Variants in KALRN observed in about 807,000 individuals in gnomAD.
KALRN encodes the protein kalirin RhoGEF kinase.
In KALRN, 70 loss-of-function variants were observed where a neutral mutation model predicts 353.7. That is an observed-to-expected ratio of 0.20 (90% CI 0.16 to 0.24). KALRN has a LOEUF of 0.24. Ranked by LOEUF, KALRN falls within the 10% of genes least tolerant of loss-of-function variation. KALRN has a pLI of 1.00. For missense variants in KALRN, 2,791 were observed against 3,756.7 expected, an observed-to-expected ratio of 0.74 and a Z score of 6.72; for synonymous variants, 1,391 against 1,434.8, an observed-to-expected ratio of 0.97 and a Z score of 0.69.
intron 33 of KALRN, among the ~76,000 whole-genome samples, chr3:124,533,556 G>T (rs1350128303): frequency 6.6e-6 from 1 of 152,102 alleles, no homozygotes; most frequent in African/African-American, 2.4e-5. Flanking sequence ...GAGATGGGAA[G>T]GTCACCTGAG....
chr3:124,495,416 T>A (rs1294282054), intron 32 of KALRN, among the ~76,000 whole-genome samples: 1 of 152,108 alleles, frequency 6.6e-6, no homozygotes, highest in East Asian at 1.9e-4. Context: ...ACAACCTGTT[T>A]TCTTGAACAG....
intron 33 of KALRN, among the ~76,000 whole-genome samples, chr3:124,549,618 C>T (rs190817056): frequency 4.3e-4 from 65 of 152,060 alleles, no homozygotes; most frequent in Admixed American, 1.1e-3. Context: ...ATAATATATA[C>T]ATATATACAC....
intron 17 of KALRN, among the ~76,000 whole-genome samples, chr3:124,437,689 C>CA (rs397876079): frequency 0.27 from 12,983 of 48,286 alleles, 3,216 homozygotes; most frequent in African/African-American, 0.38. Flanking sequence ...GATTCCGTCT[C>CA]AAAAAAAAAA....
At chr3:124,286,790 C>A (rs1357145080) in intron 5 of KALRN, among the ~76,000 whole-genome samples, 1 of 152,060 alleles carries the variant, frequency 6.6e-6, no homozygotes, top group Non-Finnish European at 1.5e-5. Flanking sequence ...ATTTTGAAAG[C>A]CTTGTCTGCT....
intron 15 of KALRN, among the ~76,000 whole-genome samples, chr3:124,427,027 T>A (rs1032860213): frequency 2.0e-5 from 3 of 152,196 alleles, no homozygotes; most frequent in Non-Finnish European, 4.4e-5. Context: ...TTGCACCAAA[T>A]GCTGGCCAAA....
At chr3:124,391,011 T>G (rs1419895042) in intron 11 of KALRN, among the ~76,000 whole-genome samples, 1 of 152,190 alleles carries the variant, frequency 6.6e-6, no homozygotes, top group Non-Finnish European at 1.5e-5. Context: ...CCTTTAACTG[T>G]TCCCCTATCA....
chr3:124,661,997 C>CAGGGGGAGGAAGCCG, intron 45 of KALRN, 69 bp downstream of exon 45: 2 of 1,271,626 alleles, frequency 1.6e-6, no homozygotes, highest in Non-Finnish European at 2.3e-6. Flanking sequence ...GTTGCGGCTT[C>CAGGGGGAGGAAGCCG]CTCCCCCTGA....
At chr3:124,517,747 G>C (rs1018027606) in intron 33 of KALRN, among the ~76,000 whole-genome samples, 2 of 152,208 alleles carry the variant, frequency 1.3e-5, no homozygotes, top group East Asian at 3.9e-4. Context: ...GCATGCCTTG[G>C]AAAAATTACA....
chr3:124,495,961 GTATGTATA>G (rs1385714040), intron 32 of KALRN, among the ~76,000 whole-genome samples: 2 of 37,894 alleles, frequency 5.3e-5, no homozygotes, highest in African/African-American at 2.0e-4. Context: ...GTATGTGTAT[GTATGTATA>G]TATATATATA....
At chr3:124,325,926 C>T (rs1272338879) in intron 6 of KALRN, 54 bp from the exon 7 acceptor site, 5 of 1,481,800 alleles carry the variant, frequency 3.4e-6, no homozygotes, top group African/African-American at 1.4e-5. Context: ...CACGAAAGTG[C>T]TCAGTGGATG....
intron 16 of KALRN, among the ~76,000 whole-genome samples, chr3:124,433,757 A>G (rs1007199442): frequency 6.6e-6 from 1 of 152,116 alleles, no homozygotes; most frequent in Admixed American, 6.6e-5. Context: ...GTAGGAGGTT[A>G]CTCTCTAGCT....
chr3:124,358,953 A>AG (rs1429977477), intron 10 of KALRN, among the ~76,000 whole-genome samples: 1 of 152,196 alleles, frequency 6.6e-6, no homozygotes, highest in Non-Finnish European at 1.5e-5. Context: ...GGTGGGGATC[A>AG]GGCCTCATTT....
At position 124,166,328 on chromosome 3, in the gene KALRN, C is replaced by T. The variant is rs185062267; in HGVS notation, c.74-61662C>T. ...AATATTGAACAGATGAAGGTTGTCTCCCCTATGAGATAGTGCAGTGCCTAG... is the reference window on the plus strand; with the variant it reads ...AATATTGAACAGATGAAGGTTGTCTTCCCTATGAGATAGTGCAGTGCCTAG... On this transcript the variant is annotated intron_variant, in intron 1 of 59. Transcript: ENST00000682506. Among the ~76,000 whole-genome samples, 33 of 152,216 alleles carry T rather than the reference C, an allele frequency of 2.2e-4. No individual in the cohort carries two copies. The East Asian group carries it at 5.8e-3, about 27-fold the overall frequency.
intron 33 of KALRN, among the ~76,000 whole-genome samples, chr3:124,509,244 G>A (rs1381307223): frequency 6.6e-6 from 1 of 152,010 alleles, no homozygotes; most frequent in Non-Finnish European, 1.5e-5. Context: ...GTCTTGCTCT[G>A]TCACCCAAGT....
chr3:124,247,681 A>G (rs1024273299), intron 3 of KALRN, among the ~76,000 whole-genome samples: 1 of 152,212 alleles, frequency 6.6e-6, no homozygotes, highest in African/African-American at 2.4e-5. Context: ...CATCAGCCAC[A>G]AACATTGAAG....
chr3:124,468,429 A>G (rs1223447256), intron 25 of KALRN, among the ~76,000 whole-genome samples: 2 of 152,116 alleles, frequency 1.3e-5, no homozygotes, highest in Non-Finnish European at 2.9e-5. Flanking sequence ...GCCACTGGGG[A>G]AAGGCCGCCC....
chr3:124,135,112 T>C (rs1334880185), intron 1 of KALRN, among the ~76,000 whole-genome samples: 1 of 152,072 alleles, frequency 6.6e-6, no homozygotes. Context: ...AATTGCAAAA[T>C]TGTGGAACCA....
intron 9 of KALRN, among the ~76,000 whole-genome samples, chr3:124,335,246 C>T (rs780736862): frequency 6.6e-6 from 1 of 152,060 alleles, no homozygotes; most frequent in South Asian, 2.1e-4. Context: ...AAGTGGAGTA[C>T]AGGAAACTTC....
At chr3:124,518,295 G>T in intron 33 of KALRN, 1 of 947,246 alleles carries the variant, frequency 1.1e-6, no homozygotes, top group East Asian at 2.4e-5. Flanking sequence ...AATACAGTAG[G>T]TTGCACTGAT....
Sources: allele counts gnomAD v4.1 joint callset (sites outside exome capture counted in the v4.1 genomes callset), GRCh38; gene constraint gnomAD v4.1.1; transcripts MANE v1.5; gene names NCBI Gene and HGNC (gene_info 2026-07-23, HGNC 2026-07-21).